NRG1: variants seen among roughly 807,000 people sequenced by gnomAD.
NRG1 encodes the protein neuregulin 1.
NRG1 carries 18 observed loss-of-function variants against 63.8 expected under a neutral mutation model. That is an observed-to-expected ratio of 0.28 (90% CI 0.19 to 0.42). NRG1 has a LOEUF of 0.42. Ranked by LOEUF, NRG1 falls within the 10% of genes least tolerant of loss-of-function variation. The probability of loss-of-function intolerance (pLI) is 1.00; values close to 1 mark genes in which losing one functional copy is unlikely to be tolerated. For synonymous variants in NRG1, 302 were observed against 301.3 expected, an observed-to-expected ratio of 1.00 and a Z score of -0.02; for missense variants, 762 against 814.7, an observed-to-expected ratio of 0.94 and a Z score of 0.79.
At chr8:32,764,015 C>A in exon 12 of NRG1, 2 of 1,614,102 alleles carry the variant, frequency 1.2e-6, no homozygotes, top group Non-Finnish European at 1.7e-6. Flanking sequence ...GTAACAGCCT[C>A]CCTGCTAGCC....
At chr8:32,292,571 G>T (rs1398515264) in intron 1 of NRG1, among the ~76,000 whole-genome samples, 1 of 151,578 alleles carries the variant, frequency 6.6e-6, no homozygotes, top group African/African-American at 2.4e-5. Flanking sequence ...TTTCTCTCTT[G>T]CTCTCTCTCT....
In NRG1 at chr8:31,759,947, G is replaced by A. The variant is rs192464339; in HGVS notation, c.37+120516G>A. ...TCTTTTATTAAATGTATTCACAAGCGTTTTCTAGTCTTTGATATTGTAAAT... is the reference window on the plus strand; with the variant it reads ...TCTTTTATTAAATGTATTCACAAGCATTTTCTAGTCTTTGATATTGTAAAT... On this transcript the variant is annotated intron_variant, in intron 1 of 10. Transcript: ENST00000519301. 3.0e-4 allele frequency among the ~76,000 whole-genome samples: 45 copies of A among 152,106 alleles called. No homozygotes were observed. The East Asian group carries it at 7.9e-3, about 27-fold the overall frequency.
chr8:32,289,655 C>T (rs922491464), intron 1 of NRG1, among the ~76,000 whole-genome samples: 2 of 152,078 alleles, frequency 1.3e-5, no homozygotes. Flanking sequence ...TTTTTAAACA[C>T]TTAAAGCTTG....
At chr8:32,671,180 G>A (rs1366861040) in intron 5 of NRG1, among the ~76,000 whole-genome samples, 1 of 150,460 alleles carries the variant, frequency 6.6e-6, no homozygotes, top group East Asian at 1.9e-4. Flanking sequence ...ATGATTCTAG[G>A]TTAGCTTTTT....
intron 11 of NRG1, chr8:32,760,933 A>C: frequency 1.0e-6 from 1 of 987,986 alleles, no homozygotes; most frequent in Non-Finnish European, 1.2e-6. Flanking sequence ...TCCACCCTAT[A>C]GTATCTATTT....
intron 1 of NRG1, among the ~76,000 whole-genome samples, chr8:32,440,241 C>G (rs1163112690): frequency 6.6e-6 from 1 of 152,166 alleles, no homozygotes; most frequent in Non-Finnish European, 1.5e-5. Context: ...GGCACCTCCC[C>G]TGACATGTGG....
At chr8:31,739,672 G>A (rs540390059) in intron 1 of NRG1, among the ~76,000 whole-genome samples, 2 of 152,194 alleles carry the variant, frequency 1.3e-5, no homozygotes, top group Admixed American at 6.5e-5. Flanking sequence ...CATTTGGGGG[G>A]AGCATGACAT....
intron 1 of NRG1, among the ~76,000 whole-genome samples, chr8:31,717,729 C>CTT (rs372995395): frequency 3.3e-5 from 5 of 150,936 alleles, no homozygotes; most frequent in African/African-American, 1.2e-4. Flanking sequence ...TCAGCGATGC[C>CTT]TTTTTTTTTG....
rs560655624 is a variant in NRG1 at position 31,972,829 on chromosome 8, A to G, written c.37+333398A>G. On this transcript the variant is annotated intron_variant, in intron 1 of 10. Coordinates refer to the NRG1 transcript ENST00000519301. Reference sequence around the variant, plus strand: ...CCCTGCAAGTTCATGCTGACTGTATATCTCACTCTTCTGCCTCAGAGCTAG... The same window carrying G: ...CCCTGCAAGTTCATGCTGACTGTATGTCTCACTCTTCTGCCTCAGAGCTAG... Among the ~76,000 whole-genome samples, 3 of 152,328 alleles carry G rather than the reference A, an allele frequency of 2.0e-5. No homozygotes were observed. In the South Asian group the frequency reaches 6.2e-4, roughly 32 times the overall value.
chr8:32,093,405 G>A (rs534433178), intron 1 of NRG1, among the ~76,000 whole-genome samples: 3 of 152,220 alleles, frequency 2.0e-5, no homozygotes, highest in Non-Finnish European at 2.9e-5. Flanking sequence ...CCTGGAAAGT[G>A]AAATGAAAAA....
intron 1 of NRG1, among the ~76,000 whole-genome samples, chr8:32,445,379 G>A (rs946369888): frequency 1.3e-5 from 2 of 152,166 alleles, no homozygotes; most frequent in African/African-American, 4.8e-5. Flanking sequence ...AGAGCTGACT[G>A]TAATAGTCAA....
At chr8:32,166,756 T>C (rs1028815456) in intron 1 of NRG1, among the ~76,000 whole-genome samples, 3 of 152,186 alleles carry the variant, frequency 2.0e-5, no homozygotes, top group African/African-American at 7.2e-5. Flanking sequence ...AGTAGGAATG[T>C]ATCCCCAGAG....
At chr8:32,034,550 A>G (rs554686772) in intron 1 of NRG1, among the ~76,000 whole-genome samples, 15 of 152,324 alleles carry the variant, frequency 9.8e-5, no homozygotes, top group Middle Eastern at 3.4e-3. Context: ...TACCTCTGAT[A>G]GAATTCAGCT....
chr8:32,405,960 A>C (rs1813915312), intron 1 of NRG1, among the ~76,000 whole-genome samples: 1 of 152,210 alleles, frequency 6.6e-6, no homozygotes, highest in African/African-American at 2.4e-5. Context: ...TGTTACAAAA[A>C]AGACGCATAG....
chr8:31,739,866 A>G (rs920403764), intron 1 of NRG1, among the ~76,000 whole-genome samples: 1 of 152,100 alleles, frequency 6.6e-6, no homozygotes, highest in African/African-American at 2.4e-5. Context: ...TTGGGATTGT[A>G]TAAGGCAATG....
intron 1 of NRG1, among the ~76,000 whole-genome samples, chr8:32,379,019 T>C (rs1437105250): frequency 2.0e-5 from 3 of 152,144 alleles, no homozygotes; most frequent in South Asian, 2.1e-4. Flanking sequence ...CGGTCTATCA[T>C]TGTTGGACAT....
At chr8:31,895,906 A>G (rs1831539253) in intron 1 of NRG1, among the ~76,000 whole-genome samples, 1 of 152,196 alleles carries the variant, frequency 6.6e-6, no homozygotes, top group Non-Finnish European at 1.5e-5. Flanking sequence ...TTTAATCCAC[A>G]GAAAGAATGA....
At chr8:32,407,294 T>TG (rs1483154129) in intron 1 of NRG1, among the ~76,000 whole-genome samples, 1 of 3,770 alleles carries the variant, frequency 2.7e-4, no homozygotes, top group South Asian at 0.02. Flanking sequence ...TATATATATA[T>TG]TATATATATA....
At chr8:31,947,683 C>T (rs1179016107) in intron 1 of NRG1, among the ~76,000 whole-genome samples, 3 of 151,750 alleles carry the variant, frequency 2.0e-5, no homozygotes, top group Non-Finnish European at 2.9e-5. Flanking sequence ...GTGGCTCATG[C>T]CTGTAATCCC....
Sources: gnomAD v4.1 joint callset for allele counts (sites outside exome capture counted in the v4.1 genomes callset) on GRCh38, gnomAD v4.1.1 for gene constraint, MANE v1.5 for transcripts, NCBI Gene and HGNC (gene_info 2026-07-23, HGNC 2026-07-21) for gene names.